Variants in THSD4 observed in about 807,000 individuals in gnomAD.
THSD4 encodes thrombospondin type 1 domain containing 4.
THSD4 carries 69 observed loss-of-function variants against 119.0 expected under a neutral mutation model. That is an observed-to-expected ratio of 0.58 (90% CI 0.48 to 0.71). THSD4 has a LOEUF of 0.71. Ranked by LOEUF, THSD4 falls within the 30% of genes least tolerant of loss-of-function variation. The probability of loss-of-function intolerance (pLI) is 0.00; values close to 1 mark genes in which losing one functional copy is unlikely to be tolerated. For synonymous variants in THSD4, 524 were observed against 540.4 expected (o/e 0.97, Z 0.42); for missense variants, 1,393 against 1,391.1 (o/e 1.00, Z -0.02).
chr15:71,730,807 C>T, intron 9 of THSD4: 1 of 342,328 alleles, frequency 2.9e-6, no homozygotes, highest in South Asian at 3.1e-5. Context: ...TTCAAGAGCA[C>T]TGAGCAAAAT....
At chr15:71,504,064 A>G (rs1255121279) in intron 7 of THSD4, among the ~76,000 whole-genome samples, 1 of 152,124 alleles carries the variant, frequency 6.6e-6, no homozygotes, top group Non-Finnish European at 1.5e-5. Context: ...GGAAAGGGAG[A>G]GGTGGAAAAA....
chr15:71,765,736 T>A (rs1266075680), intron 16 of THSD4, among the ~76,000 whole-genome samples: 1 of 152,104 alleles, frequency 6.6e-6, no homozygotes, highest in Non-Finnish European at 1.5e-5. Flanking sequence ...AACCCATCTC[T>A]GAAAAACATT....
chr15:71,733,381 A>T (rs1420568354), intron 10 of THSD4: 1 of 152,214 alleles, frequency 6.6e-6, no homozygotes, highest in African/African-American at 2.4e-5. Context: ...ATAGAAGAAA[A>T]ACCCTATAAG....
intron 6 of THSD4, among the ~76,000 whole-genome samples, chr15:71,382,307 C>T (rs2046238746): frequency 1.3e-5 from 2 of 152,108 alleles, no homozygotes; most frequent in African/African-American, 4.8e-5. Flanking sequence ...CTATTAAGAG[C>T]AGAAGCCAAT....
At chr15:71,559,676 A>G (rs2049081627) in intron 7 of THSD4, among the ~76,000 whole-genome samples, 1 of 152,106 alleles carries the variant, frequency 6.6e-6, no homozygotes, top group African/African-American at 2.4e-5. Context: ...GCAATGACAT[A>G]TAAGGAACAT....
intron 14 of THSD4, among the ~76,000 whole-genome samples, chr15:71,752,714 A>C (rs564486061): frequency 2.5e-4 from 38 of 152,286 alleles, no homozygotes; most frequent in Admixed American, 5.9e-4. Flanking sequence ...CCGCTGCAGT[A>C]ATATATTTGA....
chr15:71,547,182 T>TC, intron 7 of THSD4: 1 of 1,315,006 alleles, frequency 7.6e-7, no homozygotes, highest in African/African-American at 1.5e-5. Context: ...TCCTGTCCCC[T>TC]CCCCCAGCCG....
At position 71,589,597 on chromosome 15, in the gene THSD4, A is replaced by C. The variant is rs575481857; in HGVS notation, c.1153-70933A>C. 2.9e-5 allele frequency among the ~76,000 whole-genome samples: 4 copies of C among 139,042 alleles called. 1 individual carries two copies. The highest frequency in any genetic ancestry group is 1.6e-5 in the Non-Finnish European group (1 of 61,120). The allele number at this position is 139,042 out of a possible 152,430, so 91.2% of individuals were successfully genotyped here. On this transcript the variant is annotated intron_variant, in intron 7 of 17. Transcript: ENST00000261862. Reference sequence around the variant, plus strand: ...GGTCATGATCTCCTGGCCTCAAGCAATTCTCCGGCCTCAGCCTCCCAAAGT... The same window carrying C: ...GGTCATGATCTCCTGGCCTCAAGCACTTCTCCGGCCTCAGCCTCCCAAAGT...
intron 6 of THSD4, among the ~76,000 whole-genome samples, chr15:71,376,514 C>T (rs573060639): frequency 6.6e-6 from 1 of 152,270 alleles, no homozygotes; most frequent in South Asian, 2.1e-4. Context: ...TTTTTCTGGC[C>T]ATTCTGTGGT....
At chr15:71,674,841 C>T (rs967540259) in intron 8 of THSD4, among the ~76,000 whole-genome samples, 3 of 152,086 alleles carry the variant, frequency 2.0e-5, no homozygotes, top group South Asian at 2.1e-4. Context: ...GTGCACAGGG[C>T]GGCTCCCACA....
At chr15:71,465,004 T>C (rs1409128624) in intron 7 of THSD4, among the ~76,000 whole-genome samples, 4 of 152,086 alleles carry the variant, frequency 2.6e-5, no homozygotes, top group African/African-American at 9.7e-5. Flanking sequence ...CCAAATTGAG[T>C]CAAATTTGTC....
intron 14 of THSD4, among the ~76,000 whole-genome samples, chr15:71,752,611 A>G (rs1314219457): frequency 1.3e-5 from 2 of 152,220 alleles, no homozygotes; most frequent in Non-Finnish European, 2.9e-5. Flanking sequence ...CTTTGGTATC[A>G]TCTCCATGAC....
At chr15:71,722,464 A>G (rs1595890010) in intron 8 of THSD4, among the ~76,000 whole-genome samples, 1 of 152,140 alleles carries the variant, frequency 6.6e-6, no homozygotes, top group Non-Finnish European at 1.5e-5. Context: ...TGTCTTTCAA[A>G]TGGTTCTTTA....
At chr15:71,286,277 C>T (rs1221909480) in intron 6 of THSD4, among the ~76,000 whole-genome samples, 1 of 152,104 alleles carries the variant, frequency 6.6e-6, no homozygotes, top group Non-Finnish European at 1.5e-5. Flanking sequence ...GCCTAGGATC[C>T]ATTAGTTATT....
intron 7 of THSD4, among the ~76,000 whole-genome samples, chr15:71,436,689 G>A (rs910462050): frequency 3.3e-5 from 5 of 152,166 alleles, no homozygotes; most frequent in African/African-American, 1.2e-4. Context: ...AGAAAAAAAA[G>A]CATACAAAAT....
intron 6 of THSD4, among the ~76,000 whole-genome samples, chr15:71,304,706 C>T (rs1009566208): frequency 2.6e-5 from 4 of 152,066 alleles, no homozygotes; most frequent in Non-Finnish European, 5.9e-5. Context: ...TCTCCAACCT[C>T]GTCTATGGTA....
chr15:71,456,428 G>T (rs2047340126), intron 7 of THSD4, among the ~76,000 whole-genome samples: 1 of 152,190 alleles, frequency 6.6e-6, no homozygotes, highest in South Asian at 2.1e-4. Flanking sequence ...ATTGTTTCAT[G>T]ATTCATGGTG....
Position 71,607,825 on chromosome 15 carries a change from G to A in THSD4, c.1153-52705G>A, listed in dbSNP as rs2140904452. 1.3e-5 allele frequency among the ~76,000 whole-genome samples: 2 copies of A among 152,322 alleles called. 1 individual carries two copies. Among genetic ancestry groups the A allele is most frequent in the South Asian group, 4.1e-4 (2 of 4,826 alleles). On this transcript the variant is annotated intron_variant, in intron 7 of 17. Transcript: ENST00000261862. ...GCAAGAAGTGAGTAGAGTGTGCTCA[G>A]GGAGAGGAGGACAGGACTCATGTGT...
intron 7 of THSD4, among the ~76,000 whole-genome samples, chr15:71,482,389 C>G (rs1296588456): frequency 1.3e-5 from 2 of 150,364 alleles, no homozygotes; most frequent in African/African-American, 4.9e-5. Context: ...CTCCTGGGTT[C>G]ACGCCATTCT....
Sources: gnomAD v4.1 joint callset for allele counts (sites outside exome capture counted in the v4.1 genomes callset) on GRCh38, gnomAD v4.1.1 for gene constraint, MANE v1.5 for transcripts, NCBI Gene and HGNC (gene_info 2026-07-23, HGNC 2026-07-21) for gene names.